Variants in ARHGEF4 observed in about 807,000 individuals in gnomAD.
ARHGEF4 encodes APC-stimulated guanine nucleotide exchange factor 1.
A neutral mutation model predicts 162.0 loss-of-function variants in ARHGEF4; 119 were observed. That is an observed-to-expected ratio of 0.73 (90% CI 0.63 to 0.86). The LOEUF (loss-of-function observed/expected upper bound fraction) is 0.86, where lower values mean the gene tolerates loss of function less well. Among genes scored for constraint, ARHGEF4 ranks in the 40% least tolerant of loss-of-function variants. The pLI, the probability that ARHGEF4 is intolerant of heterozygous loss-of-function variation, is 0.00. For synonymous variants in ARHGEF4, 1,014 were observed against 979.9 expected (o/e 1.03, Z -0.65); for missense variants, 2,488 against 2,456.0 (o/e 1.01, Z -0.28).
At chr2:131,028,856 G>T (rs1558872130) in intron 5 of ARHGEF4, among the ~76,000 whole-genome samples, 1 of 152,190 alleles carries the variant, frequency 6.6e-6, no homozygotes, top group Non-Finnish European at 1.5e-5. Flanking sequence ...ATTAAAACTG[G>T]ACTCTGACAA....
At chr2:131,003,403 C>T (rs10203303) in intron 4 of ARHGEF4, among the ~76,000 whole-genome samples, 1 of 152,088 alleles carries the variant, frequency 6.6e-6, no homozygotes, top group Non-Finnish European at 1.5e-5. Context: ...TTGATCGTGA[C>T]ACGCATCTCT....
chr2:130,964,460 C>A (rs758841246), intron 4 of ARHGEF4, among the ~76,000 whole-genome samples: 4 of 152,232 alleles, frequency 2.6e-5, no homozygotes, highest in Non-Finnish European at 5.9e-5. Context: ...TCTCTCTGAT[C>A]CACGTCTACC....
intron 2 of ARHGEF4, among the ~76,000 whole-genome samples, chr2:130,919,779 G>A (rs545021661): frequency 7.0e-4 from 107 of 152,166 alleles, no homozygotes; most frequent in Admixed American, 1.4e-3. Context: ...GGGAGGCTGA[G>A]GCAGGAGAAT....
intron 4 of ARHGEF4, among the ~76,000 whole-genome samples, chr2:130,990,697 A>G (rs776269334): frequency 2.0e-5 from 3 of 152,180 alleles, no homozygotes; most frequent in Non-Finnish European, 4.4e-5. Flanking sequence ...GAAACACAGC[A>G]GCTGGAGTCA....
intron 1 of ARHGEF4, among the ~76,000 whole-genome samples, chr2:130,875,993 G>T (rs977153928): frequency 6.6e-6 from 1 of 152,128 alleles, no homozygotes; most frequent in African/African-American, 2.4e-5. Flanking sequence ...CCATCACGCC[G>T]CTTCACTGCG....
intron 1 of ARHGEF4, among the ~76,000 whole-genome samples, chr2:130,891,892 A>G (rs1024555541): frequency 3.9e-5 from 6 of 152,184 alleles, no homozygotes; most frequent in Non-Finnish European, 8.8e-5. Context: ...CATCGATAAT[A>G]CACAGATGAA....
chr2:131,029,711 A>G (rs1689712554), intron 5 of ARHGEF4, among the ~76,000 whole-genome samples: 1 of 151,788 alleles, frequency 6.6e-6, no homozygotes, highest in African/African-American at 2.4e-5. Context: ...CCGCCACCAC[A>G]CCTGGCTAAT....
At chr2:130,902,413 G>A (rs931916942) in intron 1 of ARHGEF4, among the ~76,000 whole-genome samples, 6 of 152,100 alleles carry the variant, frequency 3.9e-5, no homozygotes, top group African/African-American at 1.2e-4. Flanking sequence ...GGCTAACATG[G>A]TAAAACCCTG....
At chr2:131,024,047 C>G (rs1348361982) in intron 4 of ARHGEF4, among the ~76,000 whole-genome samples, 6 of 152,162 alleles carry the variant, frequency 3.9e-5, no homozygotes, top group Non-Finnish European at 5.9e-5. Flanking sequence ...ACAGGTTGCT[C>G]TGGTGGCTGT....
chr2:130,985,187 G>A (rs183724296), intron 4 of ARHGEF4, among the ~76,000 whole-genome samples: 108 of 152,208 alleles, frequency 7.1e-4, no homozygotes, highest in African/African-American at 2.4e-3. Flanking sequence ...GAATGCAGTC[G>A]GGGCCAGCTA....
intron 1 of ARHGEF4, among the ~76,000 whole-genome samples, chr2:130,882,598 TGGG>T (rs749692444): frequency 2.6e-5 from 4 of 151,942 alleles, no homozygotes; most frequent in Non-Finnish European, 5.9e-5. Flanking sequence ...CATATGAACT[TGGG>T]GGAAGGACAG....
rs2105333225 is a variant in ARHGEF4, at chr2:131,011,705, A to G, written c.3986-16240A>G. ...GGGTAGAGAGAGGAAATGAGGCCAG[A>G]TGGGCAGCAAGCTTTGGATGCTGTG... On this transcript the variant is annotated intron_variant, in intron 4 of 13. Coordinates refer to ENST00000409359, the MANE Select transcript of ARHGEF4 (RefSeq NM_001367493.1). The G allele has an allele frequency of 2.0e-6, 3 of 1,469,056 alleles. No individual in the cohort carries two copies. In the East Asian group the frequency reaches 7.4e-5, roughly 36 times the overall value. The allele number at this position is 1,469,056 out of a possible 1,614,324, so 91.0% of individuals were successfully genotyped here.
chr2:130,837,786 G>A (rs1680304618), intron 1 of ARHGEF4: 2 of 295,734 alleles, frequency 6.8e-6, no homozygotes, highest in South Asian at 2.4e-5. Flanking sequence ...CATGAAAGGA[G>A]AGGCGGGGAA....
At chr2:130,992,043 G>T (rs965997303) in intron 4 of ARHGEF4, among the ~76,000 whole-genome samples, 1 of 152,216 alleles carries the variant, frequency 6.6e-6, no homozygotes, top group African/African-American at 2.4e-5. Context: ...GTTTGTGAGT[G>T]CACCAATCGA....
chr2:130,979,734 T>TTA lies in ARHGEF4; in HGVS notation c.3985+33099_3985+33100insTA, dbSNP rs1553435013. Among the ~76,000 whole-genome samples the TTA allele has an allele frequency of 3.1e-3, 291 of 92,718 alleles. 2 individuals are homozygous for TTA. The highest frequency in any genetic ancestry group is 0.021 in the Middle Eastern group (3 of 144). The allele number at this position is 92,718 out of a possible 152,430, so 60.8% of individuals were successfully genotyped here. On this transcript the variant is annotated intron_variant, in intron 4 of 13. Transcript: ENST00000409359. ...CTCGGTGACAAAGCAAGACTCCATC[T>TTA]AAAAAAAAAAAAAAAAAAAAAACCT...
At chr2:131,017,616 C>T (rs775798827) in intron 4 of ARHGEF4, among the ~76,000 whole-genome samples, 8 of 152,082 alleles carry the variant, frequency 5.3e-5, no homozygotes, top group African/African-American at 7.3e-5. Context: ...TTATTCCCCT[C>T]GAGAGACCAT....
At chr2:130,951,887 C>A (rs1252396368) in intron 4 of ARHGEF4, among the ~76,000 whole-genome samples, 2 of 152,086 alleles carry the variant, frequency 1.3e-5, no homozygotes, top group African/African-American at 2.4e-5. Flanking sequence ...ATAAAGCCAG[C>A]AGCACATTAG....
At chr2:130,840,698 C>T (rs2104850225) in intron 1 of ARHGEF4, among the ~76,000 whole-genome samples, 1 of 152,288 alleles carries the variant, frequency 6.6e-6, no homozygotes, top group East Asian at 1.9e-4. Context: ...GGATGCAGGG[C>T]ACAGCTCTCG....
At chr2:131,019,062 A>T (rs1311820510) in intron 4 of ARHGEF4, among the ~76,000 whole-genome samples, 2 of 152,206 alleles carry the variant, frequency 1.3e-5, no homozygotes, top group Admixed American at 6.5e-5. Flanking sequence ...TTGGCTAGTC[A>T]GGACCCCTTG....
Sources: allele counts gnomAD v4.1 joint callset (sites outside exome capture counted in the v4.1 genomes callset), GRCh38; gene constraint gnomAD v4.1.1; transcripts MANE v1.5; gene names NCBI Gene and HGNC (gene_info 2026-07-23, HGNC 2026-07-21).